The following GPR83 variants were observed in gnomAD, a reference collection of about 807,000 sequenced individuals.
GPR83 encodes the protein G-protein coupled receptor 72.
A neutral mutation model predicts 28.0 loss-of-function variants in GPR83; 23 were observed. The ratio of observed to expected loss-of-function variants is 0.82; its 90% CI spans 0.59 to 1.16. The LOEUF (loss-of-function observed/expected upper bound fraction) is 1.16, where lower values mean the gene tolerates loss of function less well. Ranked by LOEUF, GPR83 falls within the 50% of genes most tolerant of loss-of-function variation. GPR83 has a pLI of 0.00. For synonymous variants in GPR83, 234 were observed against 215.4 expected, an observed-to-expected ratio of 1.09 and a Z score of -0.76; for missense variants, 610 against 536.6, an observed-to-expected ratio of 1.14 and a Z score of -1.35.
rs181676596 is a variant in GPR83 at position 94,396,107 on chromosome 11, C to A, written c.513+292G>T. ...TGGTGGCGAGCACCTGTAATCCCAG[C>A]TACTCAGGAGGCTGAGGCAGGAGAT... On this transcript the variant is annotated intron_variant, in intron 2 of 3. Transcript: ENST00000243673. 1.1e-4 allele frequency among the ~76,000 whole-genome samples: 16 copies of A among 152,284 alleles called. 1 individual carries two copies. The highest frequency in any genetic ancestry group is 3.8e-4 in the African/African-American group (16 of 41,564).
chr11:94,383,721 C>A (rs1392570885), intron 3 of GPR83, among the ~76,000 whole-genome samples: 1 of 152,174 alleles, frequency 6.6e-6, no homozygotes, highest in Non-Finnish European at 1.5e-5. Flanking sequence ...CACAAATAAA[C>A]TAGAAAATCT....
intron 1 of GPR83, among the ~76,000 whole-genome samples, chr11:94,400,261 C>A (rs530940130): frequency 6.6e-6 from 1 of 152,106 alleles, no homozygotes; most frequent in African/African-American, 2.4e-5. Flanking sequence ...AAGCCCAGAC[C>A]CAGTGAGATT....
intron 3 of GPR83, among the ~76,000 whole-genome samples, chr11:94,384,481 CGGACAGTGGGTGCA>C (rs1347538710): frequency 1.3e-5 from 2 of 152,112 alleles, no homozygotes; most frequent in East Asian, 1.9e-4. Flanking sequence ...TGGGGATTGT[CGGACAGTGGGTGCA>C]GGACAGTGGG....
intron 1 of GPR83, among the ~76,000 whole-genome samples, chr11:94,397,370 G>A (rs1014589771): frequency 2.0e-5 from 3 of 152,162 alleles, no homozygotes; most frequent in African/African-American, 4.8e-5. Context: ...GGGCAGAGGC[G>A]GGCTCAACTC....
rs61599090 is a variant in GPR83, at chr11:94,393,188, A to G, written c.647+297T>C. ...ACAAGGCCTTGGTGACTGGGATCTC[A>G]GGCTGCGTAAGTACGGCACCCTGGT... On this transcript the variant is annotated intron_variant, in intron 3 of 3. Transcript: ENST00000243673. 4.3e-3 allele frequency among the ~76,000 whole-genome samples: 659 copies of G among 152,318 alleles called. 9 individuals are homozygous for G. The highest frequency in any genetic ancestry group is 0.015 in the African/African-American group (633 of 41,566).
rs1225506493 is a variant in GPR83 at position 94,401,356 on chromosome 11, G to T, written c.-109C>A. 10 of 1,087,012 alleles carry T rather than the reference G, an allele frequency of 9.2e-6. No individual in the cohort carries two copies. In the African/African-American group the frequency reaches 1.5e-4, roughly 16 times the overall value. The allele number at this position is 1,087,012 out of a possible 1,614,324, so 67.3% of individuals were successfully genotyped here. On this transcript the variant is annotated 5_prime_UTR_variant, in exon 1 of 4. Transcript: ENST00000243673. ...GGCGCACAGCATACAAGGCCGTCCC[G>T]AGGAGCCAGGGAGCCCGGACGCGCG...
At position 94,380,686 on chromosome 11, in the gene GPR83, G is replaced by A. The variant is rs113507039; in HGVS notation, c.735C>T (p.Ile245=). 1.6e-3 allele frequency: 2,632 copies of A among 1,613,742 alleles called. 36 individuals are homozygous for A. In the African/African-American group the frequency reaches 0.031, roughly 19 times the overall value. The change falls in exon 4 of 4, where the codon ATC becomes ATT. Residue 245 remains isoleucine (I), a synonymous_variant. Coordinates refer to ENST00000243673, the MANE Select transcript of GPR83 (RefSeq NM_016540.4). The stretch of plus-strand genomic sequence containing the variant: ...TGAGGAGGGGCAGGATGTAGAGCAG[G>A]ATGAAGGTGGCCAAGTCCAGGTACT... The part of the protein sequence containing the change: ...FWKYLDLATF[I]LLYILPLLII...
At position 94,378,025 on chromosome 11, in the gene GPR83, A is replaced by G. The variant is rs1944639526; in HGVS notation, c.*2124T>C. Reference sequence around the variant, plus strand: ...TCTATGGCAGCTTTCAGATGAAACCATTAGCTACTTCTTGACACACCACAG... The same window carrying G: ...TCTATGGCAGCTTTCAGATGAAACCGTTAGCTACTTCTTGACACACCACAG... On this transcript the variant is annotated 3_prime_UTR_variant, in exon 4 of 4. Transcript: ENST00000243673. 6.6e-6 allele frequency: 1 copy of G among 152,146 alleles called. No individual in the cohort carries two copies. The highest frequency in any genetic ancestry group is 2.1e-4 in the South Asian group (1 of 4,826). The allele number at this position is 152,146 out of a possible 1,614,324, so 9.4% of individuals were successfully genotyped here.
intron 3 of GPR83, 91 bp from the exon 4 acceptor site, chr11:94,380,864 T>C (rs1180739645): frequency 2.7e-6 from 3 of 1,115,982 alleles, no homozygotes; most frequent in Non-Finnish European, 3.8e-6. Context: ...TGGCCTCTCC[T>C]TCCACTGGGC....
In GPR83 at chr11:94,380,639, C is replaced by A; in HGVS notation, c.782G>T (p.Arg261Leu). 1 of 1,613,986 alleles carries A rather than the reference C, an allele frequency of 6.2e-7. No homozygotes were observed. The highest frequency in any genetic ancestry group is 8.5e-7 in the Non-Finnish European group (1 of 1,179,994). Residue 261 changes from arginine to leucine, a missense_variant, in exon 4 of 4, where the codon CGT becomes CTT. Coordinates refer to ENST00000243673, the MANE Select transcript of GPR83 (RefSeq NM_016540.4). ...PLLIISVAYA[R>L]VAKKLWLCNM... is the part of the protein sequence containing the mutation. ...ACACAGCCACAGTTTCTTGGCCACACGAGCGTAGGCCACAGAGATGATGAG... is the reference window on the plus strand; with the variant it reads ...ACACAGCCACAGTTTCTTGGCCACAAGAGCGTAGGCCACAGAGATGATGAG...
intron 3 of GPR83, among the ~76,000 whole-genome samples, chr11:94,388,436 C>T (rs1312190234): frequency 6.6e-6 from 1 of 152,162 alleles, no homozygotes; most frequent in South Asian, 2.1e-4. Context: ...ATCATCTCAG[C>T]CCAAAATCTC....
In GPR83 at chr11:94,396,388, G is replaced by C. The variant is rs372074529; in HGVS notation, c.513+11C>G. 5 of 1,612,898 alleles carry C rather than the reference G, an allele frequency of 3.1e-6. No homozygotes were observed. Among genetic ancestry groups the C allele is most frequent in the Non-Finnish European group, 4.2e-6 (5 of 1,179,294 alleles). ...AGGGAAGAGCAGAGCATTAGGGGTA[G>C]GTGCCCTCACCTGGTGGCGATCCAC... is the stretch of plus-strand genomic sequence containing the variant. On this transcript the variant is annotated intron_variant, in intron 2 of 3. Coordinates refer to ENST00000243673, the MANE Select transcript of GPR83 (RefSeq NM_016540.4).
chr11:94,381,921 C>A (rs1490533068), intron 3 of GPR83, among the ~76,000 whole-genome samples: 1 of 152,148 alleles, frequency 6.6e-6, no homozygotes, highest in African/African-American at 2.4e-5. Flanking sequence ...AAATCATACC[C>A]TTCCTTAGTC....
At chr11:94,400,101 A>G (rs1452122778) in intron 1 of GPR83, among the ~76,000 whole-genome samples, 1 of 152,222 alleles carries the variant, frequency 6.6e-6, no homozygotes, top group Non-Finnish European at 1.5e-5. Flanking sequence ...TCCATTAACA[A>G]TTAGCAATTG....
At chr11:94,383,482 G>C (rs1321744997) in intron 3 of GPR83, among the ~76,000 whole-genome samples, 2 of 152,066 alleles carry the variant, frequency 1.3e-5, no homozygotes, top group African/African-American at 4.8e-5. Flanking sequence ...AAATAACAAA[G>C]ATCAGAGCAG....
rs780550816 is a variant in GPR83, at chr11:94,396,414, C to G, written c.498G>C (p.Ala166=). Reference sequence around the variant, plus strand: ...GTGCCCTCACCTGGTGGCGATCCACCGCAATGGCTGTCAGTGTCAGTGCTG... The same window carrying G: ...GTGCCCTCACCTGGTGGCGATCCACGGCAATGGCTGTCAGTGTCAGTGCTG... ...HVSALTLTAI[A]VDRHQVIMHP... Residue 166 remains alanine (A), a synonymous_variant, in exon 2 of 4, where the codon GCG becomes GCC. Transcript: ENST00000243673. 2.5e-6 allele frequency: 4 copies of G among 1,613,750 alleles called. No homozygotes were observed. The East Asian group carries it at 8.9e-5, about 36-fold the overall frequency.
At chr11:94,393,259 A>G (rs1244822521) in intron 3 of GPR83, among the ~76,000 whole-genome samples, 1 of 152,180 alleles carries the variant, frequency 6.6e-6, no homozygotes, top group Non-Finnish European at 1.5e-5. Context: ...AGAACCCGGA[A>G]AGAGAATAAG....
At position 94,398,089 on chromosome 11, in the gene GPR83, C is replaced by T. The variant is rs1944881964; in HGVS notation, c.388-1565G>A. ...TCAAAACTGTTCCCTCTTCTTCAGT[C>T]CCAAGGCCATGGGCCTTGTGGGGTA... is the stretch of plus-strand genomic sequence containing the variant. On this transcript the variant is annotated intron_variant, in intron 1 of 3. Coordinates refer to ENST00000243673, the MANE Select transcript of GPR83 (RefSeq NM_016540.4). Among the ~76,000 whole-genome samples, 4 of 152,194 alleles carry T rather than the reference C, an allele frequency of 2.6e-5. 1 individual carries two copies. The South Asian group carries it at 8.3e-4, about 32-fold the overall frequency.
Position 94,378,728 on chromosome 11 carries a change from G to A in GPR83, c.*1421C>T, listed in dbSNP as rs1446675369. 6.6e-6 allele frequency: 1 copy of A among 152,630 alleles called. No homozygotes were observed. Among genetic ancestry groups the A allele is most frequent in the Non-Finnish European group, 1.5e-5 (1 of 68,036 alleles). The allele number at this position is 152,630 out of a possible 1,614,324, so 9.5% of individuals were successfully genotyped here. On this transcript the variant is annotated 3_prime_UTR_variant, in exon 4 of 4. Transcript: ENST00000243673. ...GCCTTTCTAGACAGCTTGGGAGGAT[G>A]AGGTGTCTAAGCACAATTACTTCCA...
Sources: gnomAD v4.1 joint callset for allele counts (sites outside exome capture counted in the v4.1 genomes callset) on GRCh38, gnomAD v4.1.1 for gene constraint, MANE v1.5 for transcripts, NCBI Gene and HGNC (gene_info 2026-07-23, HGNC 2026-07-21) for gene names.